ASTN2: variants seen among roughly 807,000 people sequenced by gnomAD.
The protein encoded by ASTN2 is astrotactin 2.
ASTN2 carries 54 observed loss-of-function variants against 139.8 expected under a neutral mutation model. The ratio of observed to expected loss-of-function variants is 0.39; its 90% CI spans 0.31 to 0.48. ASTN2 has a LOEUF of 0.48. Among genes scored for constraint, ASTN2 ranks in the 20% least tolerant of loss-of-function variants. The probability of loss-of-function intolerance (pLI) is 0.95; values close to 1 mark genes in which losing one functional copy is unlikely to be tolerated. For missense variants in ASTN2, 1,565 were observed against 1,725.1 expected, an observed-to-expected ratio of 0.91 and a Z score of 1.64; for synonymous variants, 756 against 719.5, an observed-to-expected ratio of 1.05 and a Z score of -0.81.
At chr9:117,280,564 C>T (rs1350545356) in intron 2 of ASTN2, among the ~76,000 whole-genome samples, 2 of 152,074 alleles carry the variant, frequency 1.3e-5, no homozygotes, top group East Asian at 3.9e-4. Flanking sequence ...TAGCCCAAAC[C>T]AAGGAAAACC....
At chr9:117,364,623 T>G (rs1311082552) in intron 1 of ASTN2, among the ~76,000 whole-genome samples, 1 of 152,094 alleles carries the variant, frequency 6.6e-6, no homozygotes, top group African/African-American at 2.4e-5. Context: ...AGGAGGCAAG[T>G]GAGGCTCAGG....
intron 1 of ASTN2, among the ~76,000 whole-genome samples, chr9:117,368,797 T>TATC (rs771690585): frequency 2.7e-4 from 41 of 152,274 alleles, no homozygotes; most frequent in Non-Finnish European, 4.6e-4. Context: ...AAAATCCCAT[T>TATC]ATCACAAAGC....
intron 19 of ASTN2, among the ~76,000 whole-genome samples, chr9:116,502,065 C>T (rs1401883908): frequency 6.6e-6 from 1 of 151,982 alleles, no homozygotes; most frequent in Non-Finnish European, 1.5e-5. Flanking sequence ...GCAAGCAACA[C>T]CATTTAACCA....
Position 116,698,788 on chromosome 9 carries a change from C to G in ASTN2, c.2806+26983G>C, listed in dbSNP as rs774316527. 71 of 1,614,014 alleles carry G rather than the reference C, an allele frequency of 4.4e-5. No homozygotes were observed. The South Asian group carries it at 6.7e-4, about 15-fold the overall frequency. On this transcript the variant is annotated intron_variant, in intron 16 of 22. Coordinates refer to ENST00000313400, the MANE Select transcript of ASTN2 (RefSeq NM_001365068.1). The surrounding 1 kb of genome is among the most constrained non-coding windows in gnomAD (Gnocchi z 4.4). ...GCTAAACAGCGGGGTCCTGAGGCAG[C>G]CTCCAATATCCAGCAGTGCCTCTTT...
At chr9:116,447,165 T>A (rs1462502097) in intron 20 of ASTN2, among the ~76,000 whole-genome samples, 1 of 152,090 alleles carries the variant, frequency 6.6e-6, no homozygotes, top group South Asian at 2.1e-4. Flanking sequence ...TCTGGCTGAG[T>A]CATCCATCCC....
chr9:116,485,566 T>G (rs10983190), intron 20 of ASTN2, among the ~76,000 whole-genome samples: 8,550 of 152,048 alleles, frequency 0.056, 340 homozygotes, highest in East Asian at 0.18. Flanking sequence ...GTGTGTAGAG[T>G]TGTGCTCTCA....
Position 117,398,079 on chromosome 9 carries a change from T to C in ASTN2, c.442+16418A>G, listed in dbSNP as rs573502658. 2.0e-5 allele frequency among the ~76,000 whole-genome samples: 3 copies of C among 152,200 alleles called. No individual in the cohort carries two copies. In the South Asian group the frequency reaches 6.2e-4, roughly 32 times the overall value. ...GTACGAATGTTTCTGTTACATATTA[T>C]GTATATGTGTGTGTGTGTGCATCTT... On this transcript the variant is annotated intron_variant, in intron 1 of 22. Coordinates refer to ENST00000313400, the MANE Select transcript of ASTN2 (RefSeq NM_001365068.1).
At chr9:116,886,131 C>T (rs1402697274) in intron 10 of ASTN2, among the ~76,000 whole-genome samples, 2 of 152,190 alleles carry the variant, frequency 1.3e-5, no homozygotes, top group Non-Finnish European at 2.9e-5. Context: ...TGGCCATAGA[C>T]CCACTGTCAG....
intron 7 of ASTN2, among the ~76,000 whole-genome samples, chr9:116,999,477 T>C (rs1023981016): frequency 1.3e-5 from 2 of 151,570 alleles, no homozygotes; most frequent in African/African-American, 4.8e-5. Context: ...TGTGGCAAAG[T>C]TGACATGAGG....
At chr9:116,501,869 A>C (rs1375202373) in intron 19 of ASTN2, among the ~76,000 whole-genome samples, 2 of 150,812 alleles carry the variant, frequency 1.3e-5, no homozygotes, top group Non-Finnish European at 2.9e-5. Context: ...AAAAAAAAAC[A>C]GCACCAGTGG....
chr9:116,492,719 G>A (rs188261410), intron 19 of ASTN2, among the ~76,000 whole-genome samples: 156 of 152,206 alleles, frequency 1.0e-3, no homozygotes, highest in Non-Finnish European at 1.6e-3. Context: ...CAATTACTAC[G>A]CACCAGACAC....
At position 116,896,479 on chromosome 9, in the gene ASTN2, G is replaced by A. The variant is rs559057117; in HGVS notation, c.1890-32746C>T. ...AGAGTAGCTGGGATTACAGGTGCCT[G>A]GCTAATTTTATGTGTTTTTAGTAGA... On this transcript the variant is annotated intron_variant, in intron 10 of 22. Transcript: ENST00000313400. Among the ~76,000 whole-genome samples the A allele has an allele frequency of 4.6e-5, 7 of 152,154 alleles. No individual in the cohort carries two copies. In the South Asian group the frequency reaches 1.2e-3, roughly 27 times the overall value.
chr9:116,793,710 G>C (rs1358774169), intron 13 of ASTN2, among the ~76,000 whole-genome samples: 2 of 152,194 alleles, frequency 1.3e-5, no homozygotes, highest in Non-Finnish European at 2.9e-5. Flanking sequence ...CTGGTCCTTG[G>C]ACCCAGCAGC....
intron 1 of ASTN2, among the ~76,000 whole-genome samples, chr9:117,385,290 A>G (rs1034633047): frequency 6.6e-6 from 1 of 152,204 alleles, no homozygotes; most frequent in Non-Finnish European, 1.5e-5. Flanking sequence ...GTGCCCAGCC[A>G]TAAGGGAATA....
chr9:117,207,628 C>G (rs1485893585), intron 3 of ASTN2, among the ~76,000 whole-genome samples: 1 of 152,184 alleles, frequency 6.6e-6, no homozygotes, highest in Non-Finnish European at 1.5e-5. Context: ...AGCTGAAAAG[C>G]TATACTCCCA....
At chr9:116,626,956 C>A (rs1426414406) in intron 17 of ASTN2, among the ~76,000 whole-genome samples, 1 of 152,204 alleles carries the variant, frequency 6.6e-6, no homozygotes, top group African/African-American at 2.4e-5. Flanking sequence ...ATAATTGCTG[C>A]AGAAGATTCC....
intron 19 of ASTN2, among the ~76,000 whole-genome samples, chr9:116,594,551 A>T (rs1006444585): frequency 1.3e-5 from 2 of 152,206 alleles, no homozygotes; most frequent in Non-Finnish European, 2.9e-5. Flanking sequence ...ACATCAGAAG[A>T]GTCCAGTCTC....
chr9:117,299,511 G>A (rs7046849), intron 1 of ASTN2, among the ~76,000 whole-genome samples: 63,141 of 152,128 alleles, frequency 0.42, 14,265 homozygotes, highest in South Asian at 0.61. Flanking sequence ...TGTGGCAAGA[G>A]GGCACTTCAG....
intron 5 of ASTN2, among the ~76,000 whole-genome samples, chr9:117,064,278 G>A (rs1827866779): frequency 6.6e-6 from 1 of 152,148 alleles, no homozygotes; most frequent in African/African-American, 2.4e-5. Context: ...CCAAGCTGCT[G>A]CAGTCCAGCT....
Sources: gnomAD v4.1 joint callset for allele counts (sites outside exome capture counted in the v4.1 genomes callset) on GRCh38, gnomAD v4.1.1 for gene constraint, Gnocchi (gnomAD v3.1) non-coding constraint, MANE v1.5 for transcripts, NCBI Gene and HGNC (gene_info 2026-07-23, HGNC 2026-07-21) for gene names.